Variants in ZNF148 observed in about 807,000 individuals in gnomAD.
ZNF148 encodes Beta-Enolase Repressor Factor-1.
Under a neutral mutation model 67.7 loss-of-function variants are expected in ZNF148, and 7 were observed. The observed-to-expected ratio is 0.10, with a 90% CI of 0.06 to 0.19. The LOEUF (loss-of-function observed/expected upper bound fraction) is 0.19. ZNF148 is among the 10% of genes least tolerant of loss of function. The probability of loss-of-function intolerance (pLI) is 1.00; values close to 1 mark genes in which losing one functional copy is unlikely to be tolerated. For synonymous variants in ZNF148, 333 were observed against 330.7 expected (o/e 1.01, Z -0.08); for missense variants, 583 against 947.1 (o/e 0.62, Z 5.05).
intron 3 of ZNF148, among the ~76,000 whole-genome samples, chr3:125,315,997 ACCTTCC>A (rs1207177193): frequency 6.6e-6 from 1 of 151,802 alleles, no homozygotes; most frequent in Non-Finnish European, 1.5e-5. Flanking sequence ...AACTATCCCC[ACCTTCC>A]CCTTCTCAGC....
chr3:125,292,042 A>G (rs1939045437), intron 4 of ZNF148, among the ~76,000 whole-genome samples: 1 of 152,208 alleles, frequency 6.6e-6, no homozygotes, highest in African/African-American at 2.4e-5. Flanking sequence ...AAAAGGAGAA[A>G]TTTAAGATTT....
At chr3:125,303,425 G>C (rs889925609) in intron 4 of ZNF148, among the ~76,000 whole-genome samples, 18 of 152,190 alleles carry the variant, frequency 1.2e-4, no homozygotes, top group African/African-American at 3.9e-4. Context: ...AGCAAGCAAA[G>C]CTTCATCTGT....
chr3:125,320,143 G>A (rs544992460), intron 3 of ZNF148, among the ~76,000 whole-genome samples: 88 of 152,172 alleles, frequency 5.8e-4, no homozygotes, highest in African/African-American at 2.1e-3. Context: ...TTTTTCATGT[G>A]TTTAAATGTA....
chr3:125,255,391 C>T (rs1300099794), intron 7 of ZNF148, among the ~76,000 whole-genome samples: 2 of 151,860 alleles, frequency 1.3e-5, no homozygotes, highest in African/African-American at 4.8e-5. Flanking sequence ...GGATTATAGG[C>T]ATGCACCACC....
chr3:125,260,433 AT>A (rs1937285607), intron 7 of ZNF148, among the ~76,000 whole-genome samples: 1 of 152,226 alleles, frequency 6.6e-6, no homozygotes, highest in Non-Finnish European at 1.5e-5. Context: ...CTACTCAGCA[AT>A]AAAAAGCAAT....
intron 4 of ZNF148, among the ~76,000 whole-genome samples, chr3:125,311,709 GA>G (rs1940226179): frequency 6.6e-6 from 1 of 151,144 alleles, no homozygotes; most frequent in Non-Finnish European, 1.5e-5. Context: ...CTTAAGACAA[GA>G]AAAAAAGAAA....
chr3:125,241,117 TTTTAAAA>T (rs1021356035), intron 7 of ZNF148, among the ~76,000 whole-genome samples: 3 of 152,118 alleles, frequency 2.0e-5, no homozygotes, highest in Non-Finnish European at 4.4e-5. Context: ...TTCTAGATAT[TTTTAAAA>T]TTTAAGTTTT....
intron 7 of ZNF148, among the ~76,000 whole-genome samples, chr3:125,277,106 C>T (rs548352183): frequency 1.3e-5 from 2 of 152,144 alleles, no homozygotes; most frequent in Non-Finnish European, 2.9e-5. Context: ...TTAGAGGCAA[C>T]AAAGGCAAAG....
At chr3:125,293,333 G>A (rs1006410117) in intron 4 of ZNF148, among the ~76,000 whole-genome samples, 9 of 152,076 alleles carry the variant, frequency 5.9e-5, no homozygotes, top group African/African-American at 2.2e-4. Context: ...AATTACTATA[G>A]ATGTTGTGTG....
chr3:125,248,408 T>A (rs971796435), intron 7 of ZNF148, among the ~76,000 whole-genome samples: 1 of 152,150 alleles, frequency 6.6e-6, no homozygotes, highest in South Asian at 2.1e-4. Flanking sequence ...ACTTACCAAA[T>A]CTGATAACTC....
chr3:125,332,402 A>C (rs977228605), intron 1 of ZNF148, among the ~76,000 whole-genome samples: 11 of 152,206 alleles, frequency 7.2e-5, no homozygotes, highest in African/African-American at 2.7e-4. Flanking sequence ...AGGATAATAA[A>C]AGCTATAAAA....
chr3:125,369,200 T>G (rs1329820365), intron 1 of ZNF148, among the ~76,000 whole-genome samples: 1 of 126,824 alleles, frequency 7.9e-6, no homozygotes, highest in Non-Finnish European at 1.5e-5. Context: ...AGGCGGAGGT[T>G]GCAGTGAGCC....
intron 4 of ZNF148, among the ~76,000 whole-genome samples, chr3:125,303,314 C>G (rs1333348510): frequency 6.6e-6 from 1 of 152,178 alleles, no homozygotes; most frequent in Non-Finnish European, 1.5e-5. Context: ...TTACACAAAT[C>G]TACACATGCT....
chr3:125,310,369 A>G (rs1328528262), intron 4 of ZNF148, among the ~76,000 whole-genome samples: 2 of 152,088 alleles, frequency 1.3e-5, no homozygotes, highest in South Asian at 2.1e-4. Context: ...GTGAGGCACC[A>G]CACCCAGTCC....
intron 1 of ZNF148, chr3:125,357,316 A>ACAGG: frequency 6.5e-6 from 1 of 152,700 alleles, no homozygotes; most frequent in African/African-American, 2.4e-5. Context: ...GCGCACAGAC[A>ACAGG]CACGCACGCA....
At chr3:125,238,576 C>T (rs746965563) in intron 7 of ZNF148, among the ~76,000 whole-genome samples, 2 of 151,344 alleles carry the variant, frequency 1.3e-5, no homozygotes, top group Non-Finnish European at 2.9e-5. Context: ...TGCAGTGAGC[C>T]GAGATCACAC....
intron 1 of ZNF148, among the ~76,000 whole-genome samples, chr3:125,372,676 A>T (rs1387955116): frequency 6.6e-6 from 1 of 152,218 alleles, no homozygotes; most frequent in Non-Finnish European, 1.5e-5. Context: ...TTTTATAATA[A>T]AAGAGTAGAG....
chr3:125,355,420 C>T (rs1337406561), intron 1 of ZNF148, among the ~76,000 whole-genome samples: 1 of 152,094 alleles, frequency 6.6e-6, no homozygotes, highest in African/African-American at 2.4e-5. Flanking sequence ...ACCCCCTCAG[C>T]GTGCTGACCA....
intron 7 of ZNF148, among the ~76,000 whole-genome samples, chr3:125,262,279 C>T (rs1937379291): frequency 6.6e-6 from 1 of 152,198 alleles, no homozygotes; most frequent in Non-Finnish European, 1.5e-5. Context: ...TTACACTGGA[C>T]ATTAACTACT....
Sources: allele counts gnomAD v4.1 joint callset (sites outside exome capture counted in the v4.1 genomes callset), GRCh38; gene constraint gnomAD v4.1.1; transcripts MANE v1.5; gene names NCBI Gene and HGNC (gene_info 2026-07-23, HGNC 2026-07-21).